SMURF2: variants seen among roughly 807,000 people sequenced by gnomAD.
SMURF2 encodes SMAD specific E3 ubiquitin protein ligase 2.
SMURF2 carries 48 observed loss-of-function variants against 109.6 expected under a neutral mutation model. The observed-to-expected ratio is 0.44, with a 90% CI of 0.35 to 0.56. The LOEUF is 0.56. SMURF2 is among the 20% of genes least tolerant of loss of function. SMURF2 has a pLI of 0.01. For missense variants in SMURF2, 575 were observed against 909.0 expected (o/e 0.63, Z 4.72); for synonymous variants, 288 against 317.1 (o/e 0.91, Z 0.97).
At chr17:64,627,570 C>A (rs1170915886) in intron 1 of SMURF2, among the ~76,000 whole-genome samples, 5 of 152,174 alleles carry the variant, frequency 3.3e-5, no homozygotes, top group African/African-American at 1.2e-4. Context: ...TACACGCAGA[C>A]CTCTCCCCTA....
chr17:64,589,641 C>T (rs1568186039), intron 5 of SMURF2, among the ~76,000 whole-genome samples: 3 of 151,676 alleles, frequency 2.0e-5, no homozygotes, highest in South Asian at 4.2e-4. Flanking sequence ...TATTGTGAAC[C>T]GCACACACAA....
chr17:64,563,770 T>C (rs75771575), intron 10 of SMURF2, among the ~76,000 whole-genome samples: 7,554 of 152,154 alleles, frequency 0.05, 296 homozygotes, highest in Admixed American at 0.13. Context: ...AAACAGAACA[T>C]CCATTTTTAA....
At chr17:64,651,589 G>GAAGAA (rs1240605523) in intron 1 of SMURF2, among the ~76,000 whole-genome samples, 1 of 149,530 alleles carries the variant, frequency 6.7e-6, no homozygotes, top group Non-Finnish European at 1.5e-5. Context: ...AAAAAAAAGA[G>GAAGAA]AAGAAAAGAA....
intron 16 of SMURF2, among the ~76,000 whole-genome samples, chr17:64,550,464 G>C (rs1242517552): frequency 2.6e-5 from 4 of 152,164 alleles, no homozygotes; most frequent in Non-Finnish European, 5.9e-5. Flanking sequence ...ACTATTCACT[G>C]TTTAGTATGG....
intron 2 of SMURF2, among the ~76,000 whole-genome samples, chr17:64,603,556 G>A (rs569758997): frequency 3.3e-5 from 5 of 150,534 alleles, no homozygotes; most frequent in Admixed American, 6.6e-5. Context: ...CACTCTAGCC[G>A]GGGGACAGAG....
intron 1 of SMURF2, 140 bp from the exon 2 acceptor site, chr17:64,606,780 G>T: frequency 1.8e-6 from 1 of 564,906 alleles, no homozygotes; most frequent in Non-Finnish European, 3.0e-6. Context: ...ACAAACTTTC[G>T]AACTAGCAAA....
At chr17:64,628,221 CAA>C (rs1352453098) in intron 1 of SMURF2, among the ~76,000 whole-genome samples, 10 of 152,088 alleles carry the variant, frequency 6.6e-5, no homozygotes, top group Non-Finnish European at 1.2e-4. Flanking sequence ...TTGAGTGATA[CAA>C]AAAGAGTGGG....
intron 5 of SMURF2, among the ~76,000 whole-genome samples, chr17:64,589,919 C>T (rs537604055): frequency 1.3e-5 from 2 of 152,104 alleles, no homozygotes; most frequent in Non-Finnish European, 2.9e-5. Flanking sequence ...GTTCCTGGTA[C>T]CAAAAATGGT....
chr17:64,604,283 G>A (rs1555688847), intron 2 of SMURF2, among the ~76,000 whole-genome samples: 1 of 152,080 alleles, frequency 6.6e-6, no homozygotes, highest in African/African-American at 2.4e-5. Context: ...AAGTTTTAAA[G>A]ATAATCACAC....
intron 1 of SMURF2, among the ~76,000 whole-genome samples, chr17:64,635,543 TTCTG>T (rs1167979514): frequency 6.6e-6 from 1 of 152,036 alleles, no homozygotes; most frequent in South Asian, 2.1e-4. Flanking sequence ...AAAATCTACC[TTCTG>T]TCTATGGATT....
chr17:64,546,005 G>A (rs1555683075), intron 18 of SMURF2, 58 bp from the exon 19 acceptor site: 1 of 1,113,710 alleles, frequency 9.0e-7, no homozygotes, highest in Non-Finnish European at 1.4e-6. Flanking sequence ...AACTGGCCTA[G>A]CAAGTGTATA....
rs1174834471 is a variant in SMURF2 at position 64,547,476 on chromosome 17, G to A, written c.2071+124C>T. On this transcript the variant is annotated intron_variant, in intron 17 of 18. Coordinates refer to ENST00000262435, the MANE Select transcript of SMURF2 (RefSeq NM_022739.4). This position sits in a 1 kb window ranked among gnomAD's most constrained non-coding sequence, Gnocchi z 4.2. ...GAGAAGAAGGTATCACAATGTGAGA[G>A]TCACAGATAAGAAGTGAAAAAGAGA... 5.2e-6 allele frequency: 4 copies of A among 776,352 alleles called. No homozygotes were observed. The African/African-American group carries it at 7.0e-5, about 13-fold the overall frequency. 48.1% of individuals were successfully genotyped at this position (776,352 alleles called of 1,614,324 possible). A position where few individuals can be genotyped will look rare whatever the true frequency, so the allele number is the denominator to read the frequency against.
intron 1 of SMURF2, among the ~76,000 whole-genome samples, chr17:64,618,160 C>T (rs880000529): frequency 3.3e-5 from 5 of 152,114 alleles, no homozygotes; most frequent in African/African-American, 4.8e-5. Flanking sequence ...GGGCTGGGTG[C>T]GGTGGCTTAC....
intron 17 of SMURF2, among the ~76,000 whole-genome samples, 162 bp from the exon 18 acceptor site, chr17:64,546,500 T>A (rs1555683122): frequency 6.6e-6 from 1 of 152,184 alleles, no homozygotes; most frequent in African/African-American, 2.4e-5. Flanking sequence ...CATCTGGGTT[T>A]TAAGAGCCAG....
At position 64,544,663 on chromosome 17, in the gene SMURF2, TA is replaced by T. The variant is rs1379903146; in HGVS notation, c.*1184del. Reference sequence around the variant, plus strand: ...TACTTCCAAAATGAACTCTTCAAAGTAATTTACGCCATAGAGTTAGAATCAC... The same window carrying T: ...TACTTCCAAAATGAACTCTTCAAAGTATTTACGCCATAGAGTTAGAATCAC... On this transcript the variant is annotated 3_prime_UTR_variant, in exon 19 of 19. Transcript: ENST00000262435. 6.6e-6 allele frequency: 1 copy of T among 152,172 alleles called. No homozygotes were observed. Among genetic ancestry groups the T allele is most frequent in the Non-Finnish European group, 1.5e-5 (1 of 68,028 alleles). 9.4% of individuals were successfully genotyped at this position (152,172 alleles called of 1,614,324 possible).
rs182728456 is a variant in SMURF2 at position 64,584,420 on chromosome 17, G to A, written c.486-876C>T. Among the ~76,000 whole-genome samples, 473 of 142,362 alleles carry A rather than the reference G, an allele frequency of 3.3e-3. 1 individual carries two copies. The highest frequency in any genetic ancestry group is 0.012 in the African/African-American group (453 of 36,758). The allele number at this position is 142,362 out of a possible 152,430, so 93.4% of individuals were successfully genotyped here. A position where few individuals can be genotyped will look rare whatever the true frequency, so the allele number is the denominator to read the frequency against. On this transcript the variant is annotated intron_variant, in intron 6 of 18. Coordinates refer to ENST00000262435, the MANE Select transcript of SMURF2 (RefSeq NM_022739.4). ...CTTCGCCAGGCTGGAGTGCAGTGGC[G>A]CGATCTCAGCTCACTGCAACCTACG...
At chr17:64,596,852 C>T (rs1185978703) in intron 3 of SMURF2, among the ~76,000 whole-genome samples, 1 of 152,100 alleles carries the variant, frequency 6.6e-6, no homozygotes, top group African/African-American at 2.4e-5. Flanking sequence ...CATATAACTT[C>T]TCATTTCTAT....
intron 1 of SMURF2, among the ~76,000 whole-genome samples, chr17:64,623,673 T>C (rs1027805203): frequency 4.6e-5 from 7 of 152,254 alleles, no homozygotes; most frequent in Admixed American, 1.3e-4. Flanking sequence ...TACATCATCC[T>C]TTTCCGAGTT....
chr17:64,553,669 A>G (rs1969077746), intron 15 of SMURF2, among the ~76,000 whole-genome samples: 1 of 152,144 alleles, frequency 6.6e-6, no homozygotes, highest in South Asian at 2.1e-4. Flanking sequence ...CTCTAAAACC[A>G]TTTTAGTAGT....
Sources: allele counts gnomAD v4.1 joint callset (sites outside exome capture counted in the v4.1 genomes callset), GRCh38; gene constraint gnomAD v4.1.1; non-coding constraint Gnocchi (gnomAD v3.1); transcripts MANE v1.5; gene names NCBI Gene and HGNC (gene_info 2026-07-23, HGNC 2026-07-21).